Variants in TAFA1 observed in about 807,000 individuals in gnomAD.
The protein encoded by TAFA1 is chemokine-like protein TAFA-1.
A neutral mutation model predicts 18.5 loss-of-function variants in TAFA1; 4 were observed. That is an observed-to-expected ratio of 0.22 (90% CI 0.11 to 0.49). The LOEUF is 0.49. Among genes scored for constraint, TAFA1 ranks in the 20% least tolerant of loss-of-function variants. The pLI is 0.98. For missense variants in TAFA1, 147 were observed against 169.0 expected, an observed-to-expected ratio of 0.87 and a Z score of 0.72; for synonymous variants, 56 against 55.2, an observed-to-expected ratio of 1.01 and a Z score of -0.06.
At chr3:68,054,116 A>C (rs1479247148) in intron 2 of TAFA1, among the ~76,000 whole-genome samples, 2 of 152,176 alleles carry the variant, frequency 1.3e-5, no homozygotes, top group Non-Finnish European at 2.9e-5. Flanking sequence ...GCAATTGGCA[A>C]ACTATGTTGC....
intron 2 of TAFA1, among the ~76,000 whole-genome samples, chr3:68,317,041 C>G (rs1469749260): frequency 6.6e-6 from 1 of 151,724 alleles, no homozygotes; most frequent in Non-Finnish European, 1.5e-5. Context: ...ATAGCTGGTA[C>G]AGGATAAGAC....
chr3:68,051,451 T>G (rs2064470697), intron 2 of TAFA1, among the ~76,000 whole-genome samples: 3 of 152,150 alleles, frequency 2.0e-5, no homozygotes, highest in Admixed American at 2.0e-4. Context: ...TAGGGGATAT[T>G]TGACAAAGTC....
intron 2 of TAFA1, among the ~76,000 whole-genome samples, chr3:68,045,631 C>T (rs531899200): frequency 2.1e-4 from 32 of 151,946 alleles, no homozygotes; most frequent in Non-Finnish European, 4.4e-5. Context: ...TAGTATGGAG[C>T]GACTGGGAAT....
At chr3:68,363,298 G>GCCT (rs2069504093) in intron 2 of TAFA1, among the ~76,000 whole-genome samples, 1 of 152,100 alleles carries the variant, frequency 6.6e-6, no homozygotes, top group Admixed American at 6.6e-5. Context: ...AGAAGGAAGT[G>GCCT]ACTTTGAGGC....
At position 68,420,362 on chromosome 3, in the gene TAFA1, C is replaced by T. The variant is rs1291013084; in HGVS notation, c.259+2942C>T. Among the ~76,000 whole-genome samples, 4 of 152,246 alleles carry T rather than the reference C, an allele frequency of 2.6e-5. No individual in the cohort carries two copies. The East Asian group carries it at 7.7e-4, about 29-fold the overall frequency. On this transcript the variant is annotated intron_variant, in intron 3 of 4. Coordinates refer to ENST00000478136, the MANE Select transcript of TAFA1 (RefSeq NM_213609.4). ...GCAGCCTCAAACTGCCAGGTTCAAG[C>T]AACCATTCTCCCTCAACCTAATTTT...
intron 3 of TAFA1, among the ~76,000 whole-genome samples, chr3:68,497,610 G>C (rs2072570290): frequency 6.6e-6 from 1 of 152,274 alleles, no homozygotes; most frequent in South Asian, 2.1e-4. Flanking sequence ...TTCCTTCCAG[G>C]AAACAAAAGT....
intron 3 of TAFA1, among the ~76,000 whole-genome samples, chr3:68,430,281 G>T (rs1575859446): frequency 6.6e-6 from 1 of 152,062 alleles, no homozygotes; most frequent in Middle Eastern, 3.4e-3. Context: ...AGCATTGCAG[G>T]CATAGAAGAG....
At chr3:68,394,453 C>T in intron 2 of TAFA1, among the ~76,000 whole-genome samples, 1 of 152,066 alleles carries the variant, frequency 6.6e-6, no homozygotes, top group Non-Finnish European at 1.5e-5. Context: ...AAAAAAACTA[C>T]TTTAAATTTC....
At chr3:68,118,129 G>T (rs2065345580) in intron 2 of TAFA1, among the ~76,000 whole-genome samples, 2 of 152,096 alleles carry the variant, frequency 1.3e-5, no homozygotes, top group African/African-American at 4.8e-5. Context: ...AATATATAAT[G>T]AAATAATTAT....
chr3:68,352,499 G>A (rs2069287203), intron 2 of TAFA1, among the ~76,000 whole-genome samples: 1 of 152,068 alleles, frequency 6.6e-6, no homozygotes, highest in Non-Finnish European at 1.5e-5. Context: ...AGGTTTGTTT[G>A]TGGATTCCTC....
chr3:68,520,665 A>G (rs2073006573), intron 3 of TAFA1, among the ~76,000 whole-genome samples: 1 of 152,246 alleles, frequency 6.6e-6, no homozygotes, highest in South Asian at 2.1e-4. Context: ...ACTAATTTAC[A>G]TAGATCTATG....
intron 2 of TAFA1, among the ~76,000 whole-genome samples, chr3:68,196,840 A>G (rs2066416651): frequency 6.6e-6 from 1 of 151,738 alleles, no homozygotes; most frequent in South Asian, 2.1e-4. Flanking sequence ...CTCATTTACC[A>G]ACAACTGAAC....
intron 2 of TAFA1, among the ~76,000 whole-genome samples, chr3:68,113,879 T>C (rs565764615): frequency 1.4e-5 from 2 of 143,476 alleles, no homozygotes; most frequent in South Asian, 4.4e-4. Context: ...TGTGACAGTT[T>C]GGGGTGTAGT....
chr3:68,181,055 C>T (rs564059441), intron 2 of TAFA1, among the ~76,000 whole-genome samples: 9 of 152,254 alleles, frequency 5.9e-5, no homozygotes, highest in South Asian at 2.1e-4. Flanking sequence ...CTTTGGCCAA[C>T]GGTCAGCAAA....
rs553960211 is a variant in TAFA1 at position 68,523,072 on chromosome 3, G to A, written c.260-15684G>A. Among the ~76,000 whole-genome samples the A allele has an allele frequency of 5.6e-4, 32 of 57,132 alleles. No homozygotes were observed. The East Asian group carries it at 0.013, about 22-fold the overall frequency. The allele number at this position is 57,132 out of a possible 152,430, so 37.5% of individuals were successfully genotyped here. On this transcript the variant is annotated intron_variant, in intron 3 of 4. Transcript: ENST00000478136. ...GCCTGGGCAGCAAGAGCGAGACTCC[G>A]TCTCAAAAAATAAATAAATAAATAA... is the stretch of plus-strand genomic sequence containing the variant.
At chr3:67,995,729 T>C in the TAFA1 span, among the ~76,000 whole-genome samples, 13 of 152,274 alleles carry the variant, frequency 8.5e-5, no homozygotes, top group Middle Eastern at 3.4e-3. Context: ...AAAAGCATTT[T>C]CCTCTGGCAC....
chr3:68,537,848 C>G (rs1161646132), intron 3 of TAFA1, among the ~76,000 whole-genome samples: 1 of 152,130 alleles, frequency 6.6e-6, no homozygotes, highest in Non-Finnish European at 1.5e-5. Context: ...GTCCACTGTA[C>G]AGACAAAAAC....
intron 2 of TAFA1, among the ~76,000 whole-genome samples, chr3:68,312,929 C>A (rs1378535140): frequency 6.6e-6 from 1 of 152,126 alleles, no homozygotes; most frequent in African/African-American, 2.4e-5. Flanking sequence ...GCTGGGGAAG[C>A]CTCACAATTA....
At chr3:68,047,826 A>G in intron 2 of TAFA1, among the ~76,000 whole-genome samples, 1 of 152,150 alleles carries the variant, frequency 6.6e-6, no homozygotes, top group East Asian at 1.9e-4. Flanking sequence ...AATAGGTATG[A>G]TAGCTGTAGA....
Sources: gnomAD v4.1 joint callset for allele counts (sites outside exome capture counted in the v4.1 genomes callset) on GRCh38, gnomAD v4.1.1 for gene constraint, MANE v1.5 for transcripts, NCBI Gene and HGNC (gene_info 2026-07-23, HGNC 2026-07-21) for gene names.